ADAMTS17: variants seen among roughly 807,000 people sequenced by gnomAD.
ADAMTS17 encodes the protein A disintegrin and metalloproteinase with thrombospondin motifs 17.
Under a neutral mutation model 141.5 loss-of-function variants are expected in ADAMTS17, and 113 were observed. That is an observed-to-expected ratio of 0.80 (90% CI 0.69 to 0.93). ADAMTS17 has a LOEUF of 0.93. Among genes scored for constraint, ADAMTS17 ranks in the 40% least tolerant of loss-of-function variants. The probability of loss-of-function intolerance (pLI) is 0.00; values close to 1 mark genes in which losing one functional copy is unlikely to be tolerated. For synonymous variants in ADAMTS17, 768 were observed against 630.6 expected, an observed-to-expected ratio of 1.22 and a Z score of -3.27; for missense variants, 1,659 against 1,517.9, an observed-to-expected ratio of 1.09 and a Z score of -1.54.
At chr15:100,218,742 C>T (rs776646541) in intron 7 of ADAMTS17, among the ~76,000 whole-genome samples, 10 of 152,158 alleles carry the variant, frequency 6.6e-5, no homozygotes, top group Non-Finnish European at 1.0e-4. Context: ...TACGAAAGAA[C>T]TGAAAACGTG....
chr15:100,056,969 G>A (rs1477863202), intron 15 of ADAMTS17, among the ~76,000 whole-genome samples: 4 of 152,098 alleles, frequency 2.6e-5, no homozygotes, highest in African/African-American at 9.7e-5. Flanking sequence ...AAGGCTTCCT[G>A]GGATAAGCCC....
At chr15:100,182,722 G>A (rs550654209) in intron 8 of ADAMTS17, among the ~76,000 whole-genome samples, 1 of 152,274 alleles carries the variant, frequency 6.6e-6, no homozygotes, top group South Asian at 2.1e-4. Flanking sequence ...GGTGGCAGGG[G>A]GTGACAACTG....
chr15:100,257,686 G>A (rs1955375023), intron 6 of ADAMTS17, among the ~76,000 whole-genome samples: 1 of 152,194 alleles, frequency 6.6e-6, no homozygotes, highest in South Asian at 2.1e-4. Flanking sequence ...CCACTCCCAT[G>A]CAATTAGGAT....
At chr15:100,201,337 C>G (rs952812007) in intron 7 of ADAMTS17, among the ~76,000 whole-genome samples, 3 of 150,668 alleles carry the variant, frequency 2.0e-5, no homozygotes, top group Admixed American at 1.3e-4. Flanking sequence ...TTCCCCTCCC[C>G]CCTCTCTCCT....
intron 3 of ADAMTS17, among the ~76,000 whole-genome samples, chr15:100,297,783 C>T (rs939317558): frequency 6.6e-6 from 1 of 152,174 alleles, no homozygotes; most frequent in Admixed American, 6.5e-5. Flanking sequence ...GAGCTCACAG[C>T]ATTCAGGAAT....
intron 13 of ADAMTS17, 129 bp downstream of exon 13, chr15:100,116,718 G>T: frequency 7.7e-7 from 1 of 1,291,418 alleles, no homozygotes; most frequent in Non-Finnish European, 1.1e-6. Context: ...CAGCTGAGCT[G>T]GGCAGAGGAC....
At chr15:100,287,154 C>T (rs2044473375) in intron 3 of ADAMTS17, among the ~76,000 whole-genome samples, 2 of 152,146 alleles carry the variant, frequency 1.3e-5, no homozygotes, top group South Asian at 4.1e-4. Context: ...CGCCACCACA[C>T]TCCAGCCTGG....
chr15:100,133,275 T>C lies in ADAMTS17; in HGVS notation c.1514A>G (p.Asp505Gly). 2 of 1,598,258 alleles carry C rather than the reference T, an allele frequency of 1.3e-6. No homozygotes were observed. Among genetic ancestry groups the C allele is most frequent in the Non-Finnish European group, 1.7e-6 (2 of 1,171,068 alleles). ...CAGLWCLVEG[D>G]TSCKTKLDPP... is the part of the protein sequence containing the mutation. Reference sequence around the variant, plus strand: ...GTCCAGCTTGGTCTTGCAGGATGTGTCTCCTTCTACCAGGCACCACAGTCC... The same window carrying C: ...GTCCAGCTTGGTCTTGCAGGATGTGCCTCCTTCTACCAGGCACCACAGTCC... Residue 505 changes from aspartate (D) to glycine (G), a missense_variant, in exon 11 of 22, where the codon GAC becomes GGC. Physicochemically the swap from Asp to Gly is moderately conservative, Grantham distance 94 (BLOSUM62 -1). Transcript: ENST00000268070.
At chr15:100,146,534 C>T (rs1333903819) in intron 10 of ADAMTS17, among the ~76,000 whole-genome samples, 1 of 152,170 alleles carries the variant, frequency 6.6e-6, no homozygotes, top group Non-Finnish European at 1.5e-5. Flanking sequence ...ATTGTGTTAA[C>T]TGCACAAATT....
chr15:100,060,114 C>T (rs1318854115), intron 15 of ADAMTS17, among the ~76,000 whole-genome samples: 3 of 152,214 alleles, frequency 2.0e-5, no homozygotes, highest in African/African-American at 7.2e-5. Context: ...GGGACTCCCC[C>T]AGTGATTTGA....
chr15:100,152,526 C>T, intron 10 of ADAMTS17, 86 bp downstream of exon 10: 7 of 1,576,134 alleles, frequency 4.4e-6, no homozygotes, highest in Non-Finnish European at 6.1e-6. Flanking sequence ...AGTGTGAATG[C>T]CCATGTCCTC....
At chr15:100,018,111 T>C (rs946533946) in intron 18 of ADAMTS17, among the ~76,000 whole-genome samples, 4 of 152,182 alleles carry the variant, frequency 2.6e-5, no homozygotes, top group Non-Finnish European at 5.9e-5. Context: ...CCATGCTACT[T>C]TCTGTTTCTG....
intron 3 of ADAMTS17, among the ~76,000 whole-genome samples, chr15:100,298,842 T>G (rs562498795): frequency 6.6e-6 from 1 of 152,282 alleles, no homozygotes; most frequent in Admixed American, 6.5e-5. Context: ...TAATAAATAT[T>G]CAATGCACTT....
At position 100,058,068 on chromosome 15, in the gene ADAMTS17, T is replaced by G. The variant is rs530058561; in HGVS notation, c.2138-4014A>C. On this transcript the variant is annotated intron_variant, in intron 15 of 21. Transcript: ENST00000268070. The stretch of plus-strand genomic sequence containing the variant: ...TGTTTACCACCCAGCTGAGTACCCC[T>G]GAGAGGCAGAAGGCCTGGCACACTC... Among the ~76,000 whole-genome samples, 202 of 151,704 alleles carry G rather than the reference T, an allele frequency of 1.3e-3. 1 individual carries two copies. The highest frequency in any genetic ancestry group is 4.8e-3 in the African/African-American group (197 of 41,374).
chr15:100,082,150 T>A (rs2034781897), intron 15 of ADAMTS17, among the ~76,000 whole-genome samples: 1 of 151,642 alleles, frequency 6.6e-6, no homozygotes, highest in African/African-American at 2.4e-5. Flanking sequence ...ACTGCAACCT[T>A]CGCCTCCTGG....
intron 14 of ADAMTS17, among the ~76,000 whole-genome samples, chr15:100,105,319 T>C (rs987350634): frequency 6.6e-6 from 1 of 152,192 alleles, no homozygotes; most frequent in African/African-American, 2.4e-5. Context: ...GGTGCCTCCA[T>C]CTGCACCTGC....
chr15:100,164,091 C>T (rs1389724099), intron 8 of ADAMTS17, among the ~76,000 whole-genome samples: 15 of 152,186 alleles, frequency 9.9e-5, no homozygotes, highest in Non-Finnish European at 7.3e-5. Flanking sequence ...GCACCAGGCG[C>T]TAGCTGCTTA....
chr15:100,269,214 C>G (rs1182109276), intron 4 of ADAMTS17, among the ~76,000 whole-genome samples: 1 of 152,116 alleles, frequency 6.6e-6, no homozygotes, highest in Admixed American at 6.6e-5. Flanking sequence ...GGACAGCAGC[C>G]TTGGTAAAGG....
chr15:100,300,574 C>G (rs2044995404), intron 3 of ADAMTS17, among the ~76,000 whole-genome samples: 1 of 152,228 alleles, frequency 6.6e-6, no homozygotes. Context: ...TGCAAAGGAG[C>G]CTTGGGCTCC....
Sources: gnomAD v4.1 joint callset for allele counts (sites outside exome capture counted in the v4.1 genomes callset) on GRCh38, gnomAD v4.1.1 for gene constraint, MANE v1.5 for transcripts, NCBI Gene and HGNC (gene_info 2026-07-23, HGNC 2026-07-21) for gene names.